Variants in CNOT11 observed in about 807,000 individuals in gnomAD.
The protein encoded by CNOT11 is UPF0760 protein C2orf29.
Under a neutral mutation model 44.6 loss-of-function variants are expected in CNOT11, and 18 were observed. The ratio of observed to expected loss-of-function variants is 0.40; its 90% CI spans 0.28 to 0.60. The LOEUF (loss-of-function observed/expected upper bound fraction) is 0.60. CNOT11 is among the 20% of genes least tolerant of loss of function. The pLI, the probability that CNOT11 is intolerant of heterozygous loss-of-function variation, is 0.38. For synonymous variants in CNOT11, 291 were observed against 270.9 expected (o/e 1.07, Z -0.73); for missense variants, 513 against 677.0 (o/e 0.76, Z 2.69).
At position 101,253,068 on chromosome 2, in the gene CNOT11, G is replaced by A. The variant is rs1356356767; in HGVS notation, c.104G>A (p.Gly35Glu). 6.6e-7 allele frequency: 1 copy of A among 1,517,090 alleles called. No individual in the cohort carries two copies. Among genetic ancestry groups the A allele is most frequent in the Non-Finnish European group, 8.8e-7 (1 of 1,138,188 alleles). The allele number at this position is 1,517,090 out of a possible 1,614,324, so 94.0% of individuals were successfully genotyped here. A position where few individuals can be genotyped will look rare whatever the true frequency, so the allele number is the denominator to read the frequency against. ...GGGTCGGCGTCCAGGAGCGGCTTCG[G>A]GGGCTCCGGCGGCGGCAGAGGCGGA... Reference protein sequence around the residue: ...AAGSASRSGFGGSGGGRGGAS... With the variant: ...AAGSASRSGFEGSGGGRGGAS... The change falls in exon 1 of 7, where the codon GGG becomes GAG. Residue 35 changes from glycine to glutamate, a missense_variant. Around this residue, in one of 4 missense-constraint regions of CNOT11, gnomAD observed 259 missense variants for 265.7 expected, o/e 0.97. Coordinates refer to ENST00000289382, the MANE Select transcript of CNOT11 (RefSeq NM_017546.5). This position sits in a 1 kb window ranked among gnomAD's most constrained non-coding sequence, Gnocchi z 4.3.
In CNOT11 at chr2:101,266,632, CTT is replaced by C. The variant is rs764678643; in HGVS notation, c.1036-43_1036-42del. 2.0e-6 allele frequency: 3 copies of C among 1,477,958 alleles called. No homozygotes were observed. The African/African-American group carries it at 4.2e-5, about 21-fold the overall frequency. The allele number at this position is 1,477,958 out of a possible 1,614,324, so 91.6% of individuals were successfully genotyped here. ...TGGGAAAAAAAATTGACTCAACACC[CTT>C]TCTCTCTCCCTCTCTCTCTCTTTAA... is the stretch of plus-strand genomic sequence containing the variant. On this transcript the variant is annotated intron_variant, in intron 4 of 6. Transcript: ENST00000289382.
intron 1 of CNOT11, among the ~76,000 whole-genome samples, chr2:101,254,740 T>TA (rs917637985): frequency 2.8e-4 from 42 of 151,994 alleles, no homozygotes; most frequent in African/African-American, 8.4e-4. Flanking sequence ...TACAAAGCAA[T>TA]AAAAAATTTG....
At position 101,267,439 on chromosome 2, in the gene CNOT11, C is replaced by A. The variant is rs142344200; in HGVS notation, c.1238+560C>A. The stretch of plus-strand genomic sequence containing the variant: ...GCCAGCCAATTGCTGAAATTTATTT[C>A]CCTATACATAGTCCTGTCTTCTTTA... On this transcript the variant is annotated intron_variant, in intron 5 of 6. Transcript: ENST00000289382. Among the ~76,000 whole-genome samples the A allele has an allele frequency of 6.4e-4, 98 of 152,234 alleles. No homozygotes were observed. In the Middle Eastern group the frequency reaches 0.014, roughly 21 times the overall value.
At chr2:101,268,656 G>A (rs866614543) in intron 5 of CNOT11, among the ~76,000 whole-genome samples, 7 of 152,084 alleles carry the variant, frequency 4.6e-5, no homozygotes, top group African/African-American at 9.7e-5. Context: ...CTTTGAGTAC[G>A]GAATTCCTGT....
intron 2 of CNOT11, among the ~76,000 whole-genome samples, chr2:101,258,452 T>C (rs1361938704): frequency 6.6e-6 from 1 of 151,720 alleles, no homozygotes; most frequent in East Asian, 1.9e-4. Context: ...ACTCTTTAAA[T>C]TTTTGGATGC....
chr2:101,259,031 G>C (rs974936996), intron 2 of CNOT11, among the ~76,000 whole-genome samples: 8 of 151,980 alleles, frequency 5.3e-5, no homozygotes, highest in African/African-American at 1.9e-4. Flanking sequence ...TTACTTGGGA[G>C]GCTTAAGTGG....
chr2:101,253,336 C>A lies in CNOT11; in HGVS notation c.372C>A (p.Arg124=). The A allele has an allele frequency of 6.2e-7, 1 of 1,604,456 alleles. No individual in the cohort carries two copies. The highest frequency in any genetic ancestry group is 2.2e-5 in the East Asian group (1 of 44,728). ...ACCTGCTGCCTAGCGCGGCGCAGCG[C>A]CTCACGGCGCTCTACCTGCTCTGGG... The part of the protein sequence containing the change: ...QPDLLPSAAQ[R]LTALYLLWEM... Residue 124 remains arginine, a synonymous_variant, in exon 1 of 7, where the codon CGC becomes CGA. Transcript: ENST00000289382. This position sits in a 1 kb window ranked among gnomAD's most constrained non-coding sequence, Gnocchi z 4.3.
Position 101,269,720 on chromosome 2 carries a change from A to G in CNOT11, c.*307A>G, listed in dbSNP as rs1418095422. On this transcript the variant is annotated 3_prime_UTR_variant, in exon 7 of 7. Transcript: ENST00000289382. This position sits in a 1 kb window ranked among gnomAD's most constrained non-coding sequence, Gnocchi z 4.8. ...TTTTAAGCACTAAAGAACAAAATGC[A>G]TTTTTCATTAATACAGGCTTCTGAT... The G allele has an allele frequency of 4.4e-6, 1 of 227,216 alleles. No homozygotes were observed. Among genetic ancestry groups the G allele is most frequent in the African/African-American group, 2.3e-5 (1 of 43,968 alleles). 14.1% of individuals were successfully genotyped at this position (227,216 alleles called of 1,614,324 possible).
At chr2:101,268,898 C>T in intron 5 of CNOT11, 142 bp from the exon 6 acceptor site, 2 of 588,830 alleles carry the variant, frequency 3.4e-6, no homozygotes, top group South Asian at 2.4e-5. Flanking sequence ...GTTAATTTGC[C>T]CAAGTATATT....
intron 2 of CNOT11, among the ~76,000 whole-genome samples, chr2:101,258,965 C>T (rs962670765): frequency 1.3e-5 from 2 of 152,060 alleles, no homozygotes; most frequent in Non-Finnish European, 2.9e-5. Context: ...GAAACTTTGT[C>T]TCTGCAAATA....
At position 101,266,915 on chromosome 2, in the gene CNOT11, G is replaced by C. The variant is rs549008683; in HGVS notation, c.1238+36G>C. 158 of 1,503,020 alleles carry C rather than the reference G, an allele frequency of 1.1e-4. 1 individual carries two copies. The East Asian group carries it at 3.6e-3, about 34-fold the overall frequency. 93.1% of individuals were successfully genotyped at this position (1,503,020 alleles called of 1,614,324 possible). ...AGATTTGATCAAATGTGTGGGGATA[G>C]ATACAGATTAGATGGCCAGGAAAGA... On this transcript the variant is annotated intron_variant, in intron 5 of 6. Transcript: ENST00000289382.
intron 1 of CNOT11, 31 bp from the exon 2 acceptor site, chr2:101,257,760 T>A: frequency 6.3e-7 from 1 of 1,581,422 alleles, no homozygotes. Flanking sequence ...AAGTAACCAT[T>A]GGAGAAATCG....
rs371322291 is a variant in CNOT11, at chr2:101,257,930, T to C, written c.654T>C (p.Ile218=). Residue 218 remains isoleucine (I), a synonymous_variant, in exon 2 of 7, where the codon ATT becomes ATC. Coordinates refer to ENST00000289382, the MANE Select transcript of CNOT11 (RefSeq NM_017546.5). Reference sequence around the variant, plus strand: ...GAAACATGGGCCAGTCTGTGGACATTAGTGGGCTTCAGTTAGCCTTGGCCG... The same window carrying C: ...GAAACATGGGCCAGTCTGTGGACATCAGTGGGCTTCAGTTAGCCTTGGCCG... The part of the protein sequence containing the change: ...DVGNMGQSVD[I]SGLQLALAER... 3.4e-5 allele frequency: 55 copies of C among 1,613,692 alleles called. No homozygotes were observed. The East Asian group carries it at 5.3e-4, about 16-fold the overall frequency.
At chr2:101,260,773 T>C (rs1681840346) in intron 2 of CNOT11, among the ~76,000 whole-genome samples, 1 of 152,182 alleles carries the variant, frequency 6.6e-6, no homozygotes, top group South Asian at 2.1e-4. Context: ...TATGATTTAT[T>C]CCTGACAAAC....
At chr2:101,258,881 G>A (rs1001421279) in intron 2 of CNOT11, among the ~76,000 whole-genome samples, 3 of 151,908 alleles carry the variant, frequency 2.0e-5, no homozygotes, top group Non-Finnish European at 4.4e-5. Flanking sequence ...GCTCATGCCT[G>A]TAATCTTTGG....
In CNOT11 at chr2:101,270,171, T is replaced by C. The variant is rs1461443833; in HGVS notation, c.*758T>C. On this transcript the variant is annotated 3_prime_UTR_variant, in exon 7 of 7. Coordinates refer to ENST00000289382, the MANE Select transcript of CNOT11 (RefSeq NM_017546.5). ...TATCAGTCAGTGCTCCGGGAGGTAA[T>C]TTCCTGTGGGGTCTGCACCCTCCTG... 4.6e-5 allele frequency: 7 copies of C among 152,532 alleles called. No individual in the cohort carries two copies. The highest frequency in any genetic ancestry group is 1.7e-4 in the African/African-American group (7 of 41,396). 9.4% of individuals were successfully genotyped at this position (152,532 alleles called of 1,614,324 possible). A position where few individuals can be genotyped will look rare whatever the true frequency, so the allele number is the denominator to read the frequency against.
Position 101,253,049 on chromosome 2 carries a change from G to C in CNOT11, c.85G>C (p.Ala29Pro). ...QRGSREAAGS[A>P]SRSGFGGSGG... is the part of the protein sequence containing the mutation. ...AGGGTCCCGGGAAGCGGCAGGGTCG[G>C]CGTCCAGGAGCGGCTTCGGGGGCTC... Residue 29 changes from alanine to proline, a missense_variant, in exon 1 of 7, where the codon GCG becomes CCG. Coordinates refer to ENST00000289382, the MANE Select transcript of CNOT11 (RefSeq NM_017546.5). The surrounding 1 kb of genome is among the most constrained non-coding windows in gnomAD (Gnocchi z 4.3). 1 of 1,515,752 alleles carries C rather than the reference G, an allele frequency of 6.6e-7. No homozygotes were observed. The highest frequency in any genetic ancestry group is 1.2e-5 in the South Asian group (1 of 82,240). The allele number at this position is 1,515,752 out of a possible 1,614,324, so 93.9% of individuals were successfully genotyped here.
intron 1 of CNOT11, among the ~76,000 whole-genome samples, chr2:101,256,812 G>A (rs1681742483): frequency 6.6e-6 from 1 of 152,156 alleles, no homozygotes; most frequent in African/African-American, 2.4e-5. Flanking sequence ...ACTTTGGGAG[G>A]CCGAGGTGGG....
In CNOT11 at chr2:101,262,670, G is replaced by A. The variant is rs775090253; in HGVS notation, c.811G>A (p.Gly271Arg). ...ASQITEALVS[G>R]PKPPIESHFR... ...TCAGATCACAGAAGCTTTAGTCAGC[G>A]GACCAAAGCCACCTATTGAAAGTAG... Residue 271 changes from glycine to arginine, a missense_variant, in exon 3 of 7, where the codon GGA (glycine) becomes AGA (arginine). Physicochemically the swap from Gly to Arg is moderately radical, Grantham distance 125 (BLOSUM62 -2). Around this residue, in one of 4 missense-constraint regions of CNOT11, gnomAD observed 140 missense variants for 169.8 expected, o/e 0.82. Coordinates refer to ENST00000289382, the MANE Select transcript of CNOT11 (RefSeq NM_017546.5). 20 of 1,613,732 alleles carry A rather than the reference G, an allele frequency of 1.2e-5. No homozygotes were observed. The African/African-American group carries it at 1.7e-4, about 14-fold the overall frequency.
Sources: allele counts gnomAD v4.1 joint callset (sites outside exome capture counted in the v4.1 genomes callset), GRCh38; gene constraint gnomAD v4.1.1; regional missense constraint gnomAD v4.1.1; non-coding constraint Gnocchi (gnomAD v3.1); transcripts MANE v1.5; gene names NCBI Gene and HGNC (gene_info 2026-07-23, HGNC 2026-07-21).